The following STRN3 variants were observed in gnomAD, a reference collection of about 807,000 sequenced individuals.
STRN3 encodes striatin-3.
In STRN3, 29 loss-of-function variants were observed where a neutral mutation model predicts 95.6. The ratio of observed to expected loss-of-function variants is 0.30; its 90% CI spans 0.23 to 0.41. The LOEUF is 0.41. Among genes scored for constraint, STRN3 ranks in the 10% least tolerant of loss-of-function variants. The pLI is 1.00. For missense variants in STRN3, 890 were observed against 972.1 expected, an observed-to-expected ratio of 0.92 and a Z score of 1.12; for synonymous variants, 331 against 357.6, an observed-to-expected ratio of 0.93 and a Z score of 0.84.
chr14:30,990,658 C>CT (rs912257918), intron 1 of STRN3, among the ~76,000 whole-genome samples: 17 of 151,550 alleles, frequency 1.1e-4, no homozygotes, highest in African/African-American at 4.2e-4. Flanking sequence ...CCCTCACTAT[C>CT]TGTGAGGGAG....
At chr14:30,971,750 C>T (rs1880839085) in intron 1 of STRN3, among the ~76,000 whole-genome samples, 1 of 152,110 alleles carries the variant, frequency 6.6e-6, no homozygotes, top group African/African-American at 2.4e-5. Flanking sequence ...GGGTAAATGA[C>T]CCCTTTACAG....
At chr14:30,955,762 C>T in intron 2 of STRN3, 69 bp from the exon 3 acceptor site, 1 of 1,254,378 alleles carries the variant, frequency 8.0e-7, no homozygotes, top group Non-Finnish European at 1.1e-6. Flanking sequence ...TTATATTACT[C>T]CAATAACAAA....
chr14:30,921,668 A>C (rs1289420051), intron 8 of STRN3, among the ~76,000 whole-genome samples: 2 of 152,202 alleles, frequency 1.3e-5, no homozygotes, highest in African/African-American at 2.4e-5. Flanking sequence ...AATGCAATGA[A>C]ACAATTTCAA....
intron 1 of STRN3, among the ~76,000 whole-genome samples, chr14:30,994,816 G>A (rs1474801): frequency 1 from 151,841 of 152,370 alleles, 75,663 homozygotes; most frequent in Non-Finnish European, 1. Flanking sequence ...TCAATTATGC[G>A]ACATTAATGC....
intron 7 of STRN3, 128 bp downstream of exon 7, chr14:30,935,034 AC>A: frequency 8.1e-7 from 1 of 1,240,526 alleles, no homozygotes; most frequent in Non-Finnish European, 1.1e-6. Context: ...ATTATTCAAA[AC>A]CACTTCCCCT....
chr14:30,906,772 T>C (rs1390049198), intron 14 of STRN3, 105 bp downstream of exon 14: 1 of 1,208,956 alleles, frequency 8.3e-7, no homozygotes, highest in South Asian at 1.9e-5. Context: ...ATTCATTCAA[T>C]ATATCTCTTT....
At chr14:30,910,945 AAT>A in intron 13 of STRN3, 94 bp downstream of exon 13, 1 of 1,364,106 alleles carries the variant, frequency 7.3e-7, no homozygotes. Flanking sequence ...TGAGGTGACT[AAT>A]ATAGGTTTAA....
chr14:30,976,313 G>A (rs920798785), intron 1 of STRN3, among the ~76,000 whole-genome samples: 1 of 152,164 alleles, frequency 6.6e-6, no homozygotes. Context: ...TAATTATCCA[G>A]GATAAAGAGG....
rs1266458264 is a variant in STRN3 at position 31,002,446 on chromosome 14, G to C, written c.282+23458C>G. On this transcript the variant is annotated intron_variant, in intron 1 of 17. Transcript: ENST00000357479. ...AGATCGCGCCACTGCACTCCAGCCTGGTCGACAGAGGAAGACTCTGTCTCA... is the reference window on the plus strand; with the variant it reads ...AGATCGCGCCACTGCACTCCAGCCTCGTCGACAGAGGAAGACTCTGTCTCA... Among the ~76,000 whole-genome samples, 5 of 141,328 alleles carry C rather than the reference G, an allele frequency of 3.5e-5. No individual in the cohort carries two copies. In the Admixed American group the frequency reaches 3.7e-4, roughly 11 times the overall value. 92.7% of individuals were successfully genotyped at this position (141,328 alleles called of 152,430 possible).
chr14:30,929,119 G>A, intron 8 of STRN3, 82 bp downstream of exon 8: 1 of 1,190,568 alleles, frequency 8.4e-7, no homozygotes. Flanking sequence ...AAAAAATTAA[G>A]TTACACAAAG....
At chr14:30,958,053 G>GT (rs1880007589) in intron 1 of STRN3, among the ~76,000 whole-genome samples, 1 of 152,208 alleles carries the variant, frequency 6.6e-6, no homozygotes, top group Non-Finnish European at 1.5e-5. Context: ...AAAAAAGTTT[G>GT]TATGAAATTA....
intron 8 of STRN3, among the ~76,000 whole-genome samples, chr14:30,919,364 T>TATAG (rs985227538): frequency 6.7e-6 from 1 of 148,778 alleles, no homozygotes; most frequent in Non-Finnish European, 1.5e-5. Flanking sequence ...TCTAAAGAGA[T>TATAG]ATATATATAT....
chr14:30,968,945 T>A (rs1880686310), intron 1 of STRN3, among the ~76,000 whole-genome samples: 1 of 151,920 alleles, frequency 6.6e-6, no homozygotes, highest in African/African-American at 2.4e-5. Context: ...ATTAAAAGGT[T>A]AAAAAAAATA....
At position 30,950,221 on chromosome 14, in the gene STRN3, T is replaced by C. The variant is rs143125396; in HGVS notation, c.542+642A>G. Among the ~76,000 whole-genome samples, 757 of 152,268 alleles carry C rather than the reference T, an allele frequency of 5.0e-3. 20 individuals carry two copies. Among genetic ancestry groups the C allele is most frequent in the Admixed American group, 0.045 (685 of 15,292 alleles). Reference sequence around the variant, plus strand: ...ACACAGTGGTCGGAGGTGGAATGCATGATGACTGTCCAGACTATGAAATAT... The same window carrying C: ...ACACAGTGGTCGGAGGTGGAATGCACGATGACTGTCCAGACTATGAAATAT... On this transcript the variant is annotated intron_variant, in intron 4 of 17. Transcript: ENST00000357479.
intron 1 of STRN3, among the ~76,000 whole-genome samples, chr14:31,020,688 C>A (rs1883463439): frequency 6.6e-6 from 1 of 151,316 alleles, no homozygotes; most frequent in Non-Finnish European, 1.5e-5. Context: ...GTGGGAGAAT[C>A]ATTTGAGCCC....
intron 1 of STRN3, among the ~76,000 whole-genome samples, chr14:30,970,544 C>A (rs1017701419): frequency 6.6e-6 from 1 of 152,126 alleles, no homozygotes; most frequent in African/African-American, 2.4e-5. Flanking sequence ...TAAGCCAGTT[C>A]CCTTCTTTAT....
intron 5 of STRN3, among the ~76,000 whole-genome samples, chr14:30,938,043 G>A (rs1349359601): frequency 2.0e-5 from 3 of 151,440 alleles, no homozygotes; most frequent in Non-Finnish European, 2.9e-5. Context: ...TAAATACTAC[G>A]TAAATAGGTG....
intron 1 of STRN3, among the ~76,000 whole-genome samples, chr14:30,971,257 T>C (rs1318285891): frequency 1.3e-5 from 2 of 152,208 alleles, no homozygotes; most frequent in South Asian, 2.1e-4. Context: ...TTTAGTCCAA[T>C]TGGCTATCCC....
chr14:30,934,447 G>A (rs1878718469), intron 7 of STRN3, among the ~76,000 whole-genome samples: 1 of 152,042 alleles, frequency 6.6e-6, no homozygotes, highest in Non-Finnish European at 1.5e-5. Context: ...GTATTTACTA[G>A]GAAAAACATA....
Sources: allele counts gnomAD v4.1 joint callset (sites outside exome capture counted in the v4.1 genomes callset), GRCh38; gene constraint gnomAD v4.1.1; transcripts MANE v1.5; gene names NCBI Gene and HGNC (gene_info 2026-07-23, HGNC 2026-07-21).